Variants in CTNNA2 observed in about 807,000 individuals in gnomAD.
The protein encoded by CTNNA2 is catenin alpha 2.
A neutral mutation model predicts 101.0 loss-of-function variants in CTNNA2; 42 were observed. That is an observed-to-expected ratio of 0.42 (90% CI 0.32 to 0.54). CTNNA2 has a LOEUF of 0.54. Ranked by LOEUF, CTNNA2 falls within the 20% of genes least tolerant of loss-of-function variation. The probability of loss-of-function intolerance (pLI) is 0.14; values close to 1 mark genes in which losing one functional copy is unlikely to be tolerated. For synonymous variants in CTNNA2, 450 were observed against 456.4 expected, an observed-to-expected ratio of 0.99 and a Z score of 0.18; for missense variants, 871 against 1,223.1, an observed-to-expected ratio of 0.71 and a Z score of 4.29.
intron 7 of CTNNA2, among the ~76,000 whole-genome samples, chr2:80,120,993 A>G (rs1212864603): frequency 6.6e-6 from 1 of 152,208 alleles, no homozygotes; most frequent in Non-Finnish European, 1.5e-5. Flanking sequence ...AACATGGCTA[A>G]TGAAGGCATC....
chr2:80,180,384 G>T (rs1335351745), intron 7 of CTNNA2, among the ~76,000 whole-genome samples: 1 of 152,196 alleles, frequency 6.6e-6, no homozygotes, highest in Non-Finnish European at 1.5e-5. Context: ...CAATAAGCTT[G>T]CTGTCAATTT....
intron 1 of CTNNA2, among the ~76,000 whole-genome samples, chr2:79,645,809 C>T (rs955791116): frequency 6.6e-6 from 1 of 152,110 alleles, no homozygotes; most frequent in African/African-American, 2.4e-5. Context: ...ACAATGAAAC[C>T]GAAGCTTAGG....
intron 3 of CTNNA2, among the ~76,000 whole-genome samples, chr2:79,344,014 C>T (rs1677199403): frequency 6.6e-6 from 1 of 152,096 alleles, no homozygotes; most frequent in Non-Finnish European, 1.5e-5. Flanking sequence ...AGTCTATGAC[C>T]TCCTTTGTAT....
chr2:79,248,177 T>C (rs1025011489), intron 2 of CTNNA2, among the ~76,000 whole-genome samples: 1 of 152,138 alleles, frequency 6.6e-6, no homozygotes, highest in African/African-American at 2.4e-5. Flanking sequence ...TAATTTATAA[T>C]TATGAATTGA....
intron 7 of CTNNA2, among the ~76,000 whole-genome samples, chr2:79,916,265 G>T (rs1051134172): frequency 9.2e-5 from 14 of 152,224 alleles, no homozygotes; most frequent in Non-Finnish European, 1.8e-4. Flanking sequence ...GCATTCTAAC[G>T]CAAAATTAAG....
At chr2:80,501,727 G>A (rs376617061) in intron 9 of CTNNA2, among the ~76,000 whole-genome samples, 1 of 152,144 alleles carries the variant, frequency 6.6e-6, no homozygotes, top group Non-Finnish European at 1.5e-5. Context: ...TGCGGGGAAA[G>A]CCAAGCAAAG....
intron 2 of CTNNA2, among the ~76,000 whole-genome samples, chr2:79,310,197 G>A (rs1320389212): frequency 6.6e-6 from 1 of 152,090 alleles, no homozygotes; most frequent in South Asian, 2.1e-4. Context: ...GTTGCACTTT[G>A]TTGGGGGTTT....
intron 8 of CTNNA2, among the ~76,000 whole-genome samples, chr2:80,401,903 C>A (rs1223734488): frequency 2.0e-5 from 3 of 152,160 alleles, no homozygotes; most frequent in Non-Finnish European, 2.9e-5. Context: ...TTCTTTGACA[C>A]CAGCTGTCTG....
At chr2:80,531,289 A>G (rs1285985252) in intron 9 of CTNNA2, among the ~76,000 whole-genome samples, 2 of 152,192 alleles carry the variant, frequency 1.3e-5, no homozygotes, top group Non-Finnish European at 1.5e-5. Flanking sequence ...GGTGTTTACC[A>G]AGGGGCCAAT....
intron 4 of CTNNA2, among the ~76,000 whole-genome samples, chr2:79,502,698 G>A (rs1365657335): frequency 6.6e-6 from 1 of 152,120 alleles, no homozygotes; most frequent in African/African-American, 2.4e-5. Context: ...GATGAGTTTT[G>A]TGGTGGCTGT....
chr2:80,340,027 C>G (rs572703663), intron 7 of CTNNA2, among the ~76,000 whole-genome samples: 8 of 152,124 alleles, frequency 5.3e-5, no homozygotes, highest in African/African-American at 1.7e-4. Context: ...GTATATGCAG[C>G]TTTTTCATCA....
intron 3 of CTNNA2, among the ~76,000 whole-genome samples, chr2:79,795,959 G>A (rs1370082152): frequency 6.6e-6 from 1 of 152,150 alleles, no homozygotes; most frequent in Non-Finnish European, 1.5e-5. Flanking sequence ...TGAGGACATT[G>A]GTCAGTATGT....
chr2:79,808,333 T>A (rs184878251), intron 3 of CTNNA2, among the ~76,000 whole-genome samples: 2 of 152,246 alleles, frequency 1.3e-5, no homozygotes, highest in African/African-American at 4.8e-5. Flanking sequence ...TCAGAAAATA[T>A]GTTGGCGAGG....
intron 1 of CTNNA2, among the ~76,000 whole-genome samples, chr2:79,596,650 G>T (rs944570767): frequency 6.6e-6 from 1 of 152,136 alleles, no homozygotes; most frequent in African/African-American, 2.4e-5. Flanking sequence ...AAAGAAAGGC[G>T]AGAGCTTTCT....
chr2:79,909,783 G>T lies in CTNNA2; in HGVS notation c.1042G>T (p.Glu348Ter). 1 of 1,607,850 alleles carries T rather than the reference G, an allele frequency of 6.2e-7. No individual in the cohort carries two copies. Among genetic ancestry groups the T allele is most frequent in the South Asian group, 1.1e-5 (1 of 90,358 alleles). ...VRQALQDLLS[E>*]YMNNTGRKEK... ...GCAGGCGCTCCAGGACCTGCTCAGC[G>T]AGTACATGAATAATGTAAGTCTTGG... Residue 348 changes from glutamate (E) to a stop codon, truncating the protein, a stop_gained, in exon 7 of 19, where the codon GAG (glutamate) becomes TAG (stop). Transcript: ENST00000402739. LOFTEE classifies it high-confidence loss of function.
At chr2:79,589,257 C>G (rs959641488) in intron 1 of CTNNA2, among the ~76,000 whole-genome samples, 2 of 152,096 alleles carry the variant, frequency 1.3e-5, no homozygotes, top group African/African-American at 4.8e-5. Context: ...GGGTCTGTGC[C>G]ACTGCTTGGA....
intron 7 of CTNNA2, among the ~76,000 whole-genome samples, chr2:80,148,783 A>C (rs1703507699): frequency 6.6e-6 from 1 of 152,130 alleles, no homozygotes; most frequent in Non-Finnish European, 1.5e-5. Context: ...TAGGCTTGGC[A>C]CTGGAAAGAG....
intron 7 of CTNNA2, among the ~76,000 whole-genome samples, chr2:80,171,903 A>T (rs1053911171): frequency 8.5e-5 from 13 of 152,178 alleles, no homozygotes; most frequent in African/African-American, 2.9e-4. Flanking sequence ...GCTGTGGGGG[A>T]TCCATTGCAG....
chr2:79,962,874 A>C (rs1010245073), intron 7 of CTNNA2, among the ~76,000 whole-genome samples: 1 of 152,096 alleles, frequency 6.6e-6, no homozygotes, highest in Admixed American at 6.5e-5. Context: ...GATCGAGACC[A>C]TCCTGGGTAA....
Sources: gnomAD v4.1 joint callset for allele counts (sites outside exome capture counted in the v4.1 genomes callset) on GRCh38, gnomAD v4.1.1 for gene constraint, MANE v1.5 for transcripts, NCBI Gene and HGNC (gene_info 2026-07-23, HGNC 2026-07-21) for gene names.